The following VWA5B1 variants were observed in gnomAD, a reference collection of about 807,000 sequenced individuals.
VWA5B1 encodes von Willebrand factor A domain containing 5B1.
A neutral mutation model predicts 118.2 loss-of-function variants in VWA5B1; 115 were observed. The ratio of observed to expected loss-of-function variants is 0.97; its 90% CI spans 0.84 to 1.14. The LOEUF is 1.14. Ranked by LOEUF, VWA5B1 falls within the 50% of genes most tolerant of loss-of-function variation. VWA5B1 has a pLI of 0.00. For missense variants in VWA5B1, 1,596 were observed against 1,603.8 expected (o/e 1.00, Z 0.08); for synonymous variants, 682 against 658.4 (o/e 1.04, Z -0.55).
intron 1 of VWA5B1, among the ~76,000 whole-genome samples, chr1:20,308,318 G>A (rs1011629906): frequency 4.6e-5 from 7 of 152,204 alleles, no homozygotes; most frequent in Non-Finnish European, 5.9e-5. Context: ...CTGGGCCAGG[G>A]ACAGTGTGGG....
At chr1:20,317,403 C>T (rs2100863119) in intron 4 of VWA5B1, 127 bp from the exon 5 acceptor site, 1 of 1,273,144 alleles carries the variant, frequency 7.9e-7, no homozygotes, top group Non-Finnish European at 1.1e-6. Context: ...AGTGGGAGAG[C>T]ACGGGTCTGG....
In VWA5B1 at chr1:20,354,153, C is replaced by A. The variant is rs747075378; in HGVS notation, c.3538C>A (p.Arg1180Ser). 1.4e-5 allele frequency: 22 copies of A among 1,551,174 alleles called. No homozygotes were observed. In the African/African-American group the frequency reaches 2.7e-4, roughly 19 times the overall value. Residue 1180 changes from arginine (R) to serine (S), a missense_variant, in exon 22 of 22, where the codon CGC becomes AGC. Coordinates refer to ENST00000289815, the MANE Select transcript of VWA5B1 (RefSeq NM_001039500.3). Reference sequence around the variant, plus strand: ...GGAGCAGCAGGAAGTACCCGAGGGCCGCACGCAGGGCACACTCAAGGCCGC... The same window carrying A: ...GGAGCAGCAGGAAGTACCCGAGGGCAGCACGCAGGGCACACTCAAGGCCGC... ...WLEQQEVPEG[R>S]TQGTLKAAAR...
rs2090110945 is a variant in VWA5B1 at position 20,350,705 on chromosome 1, G to A, written c.2954-152G>A. The stretch of plus-strand genomic sequence containing the variant: ...ATCCCACCCTACACCAACTGGAGCG[G>A]AAGGAGCTCCACAGCCTAATGGTTA... On this transcript the variant is annotated intron_variant, in intron 19 of 21. Transcript: ENST00000289815. 2.0e-5 allele frequency among the ~76,000 whole-genome samples: 3 copies of A among 152,182 alleles called. No homozygotes were observed. In the South Asian group the frequency reaches 6.2e-4, roughly 32 times the overall value.
Position 20,337,773 on chromosome 1 carries a change from C to A in VWA5B1, c.2070C>A (p.Ala690=). Residue 690 remains alanine, a synonymous_variant, in exon 14 of 22, where the codon GCC becomes GCA. Transcript: ENST00000289815. ...PAAKRYPLRK[A]RLQDLTNQTS... is the part of the protein sequence containing the mutation. ...CCAAGAGATACCCACTGCGGAAAGC[C>A]AGGCTGCAGGACCTCACCAACCAGA... 2 of 1,551,838 alleles carry A rather than the reference C, an allele frequency of 1.3e-6. No individual in the cohort carries two copies. Among genetic ancestry groups the A allele is most frequent in the Non-Finnish European group, 1.7e-6 (2 of 1,147,030 alleles).
Position 20,354,085 on chromosome 1 carries a change from T to C in VWA5B1, c.3470T>C (p.Phe1157Ser). 6.4e-7 allele frequency: 1 copy of C among 1,551,530 alleles called. No individual in the cohort carries two copies. Among genetic ancestry groups the C allele is most frequent in the Middle Eastern group, 1.7e-4 (1 of 5,992 alleles). The change falls in exon 22 of 22, where the codon TTC (phenylalanine) becomes TCC (serine). Residue 1157 changes from phenylalanine to serine, a missense_variant. Coordinates refer to ENST00000289815, the MANE Select transcript of VWA5B1 (RefSeq NM_001039500.3). ...CTGGAGCACAGTTCGGCCTCCTACT[T>C]CACTGAGTGGGAGTTGGTGGCTGCC... ...AWLEHSSASY[F>S]TEWELVAAKA...
Position 20,327,949 on chromosome 1 carries a change from G to A in VWA5B1, c.1203G>A (p.Gly401=), listed in dbSNP as rs755194019. The change falls in exon 9 of 22, where the codon GGG becomes GGA. Residue 401 remains glycine, a synonymous_variant. Coordinates refer to ENST00000289815, the MANE Select transcript of VWA5B1 (RefSeq NM_001039500.3). ...LMPACLFNII[G]FGSTFKSLFP... ...CAGCCTGCCTCTTCAATATCATTGG[G>A]TTTGGATCCACATTTAAGAGCCTTT... The A allele has an allele frequency of 2.8e-5, 43 of 1,551,514 alleles. No individual in the cohort carries two copies. The highest frequency in any genetic ancestry group is 3.4e-5 in the Non-Finnish European group (39 of 1,147,012).
intron 15 of VWA5B1, 85 bp from the exon 16 acceptor site, chr1:20,342,994 C>T (rs1202099995): frequency 4.1e-6 from 6 of 1,451,894 alleles, no homozygotes; most frequent in Non-Finnish European, 5.5e-6. Flanking sequence ...GAAGTGTCTG[C>T]TCCCTGGGGA....
In VWA5B1 at chr1:20,350,190, G is replaced by A; in HGVS notation, c.2913G>A (p.Glu971=). Residue 971 remains glutamate (E), a synonymous_variant, in exon 19 of 22, where the codon GAG becomes GAA. Coordinates refer to ENST00000289815, the MANE Select transcript of VWA5B1 (RefSeq NM_001039500.3). ...MEASPTALFS[E]ARSPGREKHG... ...CAAGTCCCACTGCTCTCTTCAGCGA[G>A]GCCAGGTCCCCCGGCCGCGAGAAGC... 6.4e-7 allele frequency: 1 copy of A among 1,551,234 alleles called. No individual in the cohort carries two copies. The highest frequency in any genetic ancestry group is 8.7e-7 in the Non-Finnish European group (1 of 1,146,982).
intron 18 of VWA5B1, chr1:20,349,094 C>T (rs538527704): frequency 1.2e-5 from 4 of 341,606 alleles, no homozygotes; most frequent in Non-Finnish European, 1.9e-5. Flanking sequence ...TTTTTTTATT[C>T]CAGGTCCTAG....
At chr1:20,291,736 G>C (rs2088309967) in intron 1 of VWA5B1, among the ~76,000 whole-genome samples, 1 of 152,156 alleles carries the variant, frequency 6.6e-6, no homozygotes, top group Non-Finnish European at 1.5e-5. Flanking sequence ...CACCGGCCAA[G>C]GGCACACCCT....
rs183323173 is a variant in VWA5B1, at chr1:20,316,612, T to C, written c.564-918T>C. On this transcript the variant is annotated intron_variant, in intron 4 of 21. Coordinates refer to ENST00000289815, the MANE Select transcript of VWA5B1 (RefSeq NM_001039500.3). Reference sequence around the variant, plus strand: ...GTGTGCCTGTGGAGACAGAACAGGATGGGAGATGGGGTGGAGATTGCAAAG... The same window carrying C: ...GTGTGCCTGTGGAGACAGAACAGGACGGGAGATGGGGTGGAGATTGCAAAG... Among the ~76,000 whole-genome samples, 88 of 152,064 alleles carry C rather than the reference T, an allele frequency of 5.8e-4. 1 individual carries two copies. In the East Asian group the frequency reaches 0.011, roughly 18 times the overall value.
At chr1:20,327,009 G>A (rs193247893) in intron 8 of VWA5B1, among the ~76,000 whole-genome samples, 39 of 151,994 alleles carry the variant, frequency 2.6e-4, no homozygotes, top group Admixed American at 1.3e-3. Context: ...CATAACCATC[G>A]TCACCATCAT....
intron 1 of VWA5B1, among the ~76,000 whole-genome samples, chr1:20,306,792 G>C (rs2088669088): frequency 6.6e-6 from 1 of 152,154 alleles, no homozygotes; most frequent in Non-Finnish European, 1.5e-5. Context: ...AAGCCGTATA[G>C]AACTCTTAGC....
intron 7 of VWA5B1, among the ~76,000 whole-genome samples, chr1:20,322,492 T>G (rs2064073): frequency 2.0e-5 from 3 of 152,030 alleles, no homozygotes; most frequent in Admixed American, 6.5e-5. Context: ...CCCTGTCCCT[T>G]CCTTAATCTT....
intron 1 of VWA5B1, among the ~76,000 whole-genome samples, chr1:20,303,755 G>C (rs545753697): frequency 6.6e-6 from 1 of 152,210 alleles, no homozygotes; most frequent in East Asian, 1.9e-4. Flanking sequence ...CCAGCAAGAG[G>C]GGCATGAGGG....
At chr1:20,321,113 C>CAAAAA (rs4062863) in intron 7 of VWA5B1, among the ~76,000 whole-genome samples, 9,485 of 93,722 alleles carry the variant, frequency 0.1, 950 homozygotes, top group African/African-American at 0.15. Flanking sequence ...GTAACAGAGG[C>CAAAAA]AAAAAAAAAA....
chr1:20,352,603 C>T (rs186725149), intron 21 of VWA5B1, among the ~76,000 whole-genome samples: 1 of 152,302 alleles, frequency 6.6e-6, no homozygotes, highest in Admixed American at 6.5e-5. Context: ...TCTGCAGACA[C>T]CTCAGCATGC....
intron 8 of VWA5B1, among the ~76,000 whole-genome samples, chr1:20,324,604 G>A (rs1292503292): frequency 6.6e-6 from 1 of 152,178 alleles, no homozygotes; most frequent in Non-Finnish European, 1.5e-5. Context: ...AGGAGAACAA[G>A]GAAGGAGGGG....
chr1:20,313,533 G>C (rs2088910719), intron 3 of VWA5B1, among the ~76,000 whole-genome samples: 4 of 152,344 alleles, frequency 2.6e-5, no homozygotes, highest in Admixed American at 2.6e-4. Flanking sequence ...GAGAGGGAGA[G>C]CAACTGGCTC....
Sources: gnomAD v4.1 joint callset for allele counts (sites outside exome capture counted in the v4.1 genomes callset) on GRCh38, gnomAD v4.1.1 for gene constraint, MANE v1.5 for transcripts, NCBI Gene and HGNC (gene_info 2026-07-23, HGNC 2026-07-21) for gene names.